Variants in PCDHGB2 observed in about 807,000 individuals in gnomAD.
The protein encoded by PCDHGB2 is protocadherin gamma-B2.
Under a neutral mutation model 59.3 loss-of-function variants are expected in PCDHGB2, and 55 were observed. The ratio of observed to expected loss-of-function variants is 0.93; its 90% CI spans 0.75 to 1.16. PCDHGB2 has a LOEUF of 1.16. PCDHGB2 is among the 50% of genes most tolerant of loss of function. The pLI, the probability that PCDHGB2 is intolerant of heterozygous loss-of-function variation, is 0.00. For missense variants in PCDHGB2, 1,228 were observed against 1,198.5 expected, an observed-to-expected ratio of 1.02 and a Z score of -0.36; for synonymous variants, 516 against 512.0, an observed-to-expected ratio of 1.01 and a Z score of -0.11.
intron 1 of PCDHGB2, among the ~76,000 whole-genome samples, chr5:141,462,459 CTG>C (rs2099040203): frequency 6.6e-6 from 1 of 152,010 alleles, no homozygotes; most frequent in African/African-American, 2.4e-5. Flanking sequence ...TAACTGAAAA[CTG>C]TGTATTCTGC....
At chr5:141,385,042 A>C (rs1308417984) in intron 1 of PCDHGB2, 1 of 1,614,150 alleles carries the variant, frequency 6.2e-7, no homozygotes, top group Non-Finnish European at 8.5e-7. Flanking sequence ...GCTGGCGCTC[A>C]GGCTGCGGCG....
chr5:141,457,193 A>G (rs2154565853), intron 1 of PCDHGB2, among the ~76,000 whole-genome samples: 1 of 152,356 alleles, frequency 6.6e-6, no homozygotes, highest in African/African-American at 2.4e-5. Flanking sequence ...GAGTGAGGAA[A>G]GCAGTTCCCA....
intron 1 of PCDHGB2, chr5:141,400,672 A>G: frequency 1.1e-6 from 1 of 934,884 alleles, no homozygotes; most frequent in Non-Finnish European, 1.6e-6. Flanking sequence ...TAAGAGGAGC[A>G]GTAAATTGTG....
chr5:141,420,187 C>T (rs1369031488), intron 1 of PCDHGB2: 7 of 1,613,824 alleles, frequency 4.3e-6, no homozygotes, highest in Non-Finnish European at 5.9e-6. Context: ...ATTGTCCAGC[C>T]ACACAAGATA....
At chr5:141,392,728 G>T in intron 1 of PCDHGB2, 1 of 1,407,730 alleles carries the variant, frequency 7.1e-7, no homozygotes, top group Non-Finnish European at 9.3e-7. Context: ...CCGGAGGATT[G>T]TCATCTCCAT....
chr5:141,415,745 T>C, intron 1 of PCDHGB2: 1 of 517,922 alleles, frequency 1.9e-6, no homozygotes, highest in Non-Finnish European at 2.4e-6. Context: ...TTAAGGTTTT[T>C]TTTTTTTTTT....
chr5:141,427,703 C>A (rs529490424), intron 1 of PCDHGB2: 2 of 957,514 alleles, frequency 2.1e-6, no homozygotes, highest in African/African-American at 1.6e-5. Flanking sequence ...CACAAGTCAG[C>A]GCCTCTGACC....
rs752392369 is a variant in PCDHGB2 at position 141,422,109 on chromosome 5, A to G, written c.2421+59553A>G. ...AAAGCAAGGCTTCTGAAATATTCCA[A>G]TTGGATTCACAAACTGGAGAAGTTC... On this transcript the variant is annotated intron_variant, in intron 1 of 3. Coordinates refer to ENST00000522605, the MANE Select transcript of PCDHGB2 (RefSeq NM_018923.3). 6 of 1,606,850 alleles carry G rather than the reference A, an allele frequency of 3.7e-6. No homozygotes were observed. The African/African-American group carries it at 4.0e-5, about 11-fold the overall frequency.
chr5:141,382,131 C>G (rs2150200415), intron 1 of PCDHGB2, among the ~76,000 whole-genome samples: 1 of 152,134 alleles, frequency 6.6e-6, no homozygotes, highest in African/African-American at 2.4e-5. Flanking sequence ...CCTGGCCCCC[C>G]CTCTCATTTT....
intron 1 of PCDHGB2, among the ~76,000 whole-genome samples, chr5:141,459,098 A>G (rs993134478): frequency 2.0e-5 from 3 of 152,206 alleles, no homozygotes; most frequent in African/African-American, 7.2e-5. Flanking sequence ...ATACAGTGCA[A>G]TGCATTTTGA....
At chr5:141,499,908 G>T (rs903753761) in intron 2 of PCDHGB2, among the ~76,000 whole-genome samples, 1 of 151,980 alleles carries the variant, frequency 6.6e-6, no homozygotes, top group African/African-American at 2.4e-5. Flanking sequence ...GGCTGGTCTT[G>T]AACTCCTGGC....
At chr5:141,372,226 C>A (rs1238266870) in intron 1 of PCDHGB2, 1 of 1,613,332 alleles carries the variant, frequency 6.2e-7, no homozygotes, top group Non-Finnish European at 8.5e-7. Flanking sequence ...ATTGTGCAGG[C>A]CAGCGAGCCC....
intron 1 of PCDHGB2, chr5:141,413,841 T>A: frequency 6.2e-7 from 1 of 1,613,060 alleles, no homozygotes; most frequent in Non-Finnish European, 8.5e-7. Flanking sequence ...CCGACGGGGG[T>A]GACCCTCTCC....
At chr5:141,447,136 TTTTTTG>T (rs1304915683) in intron 1 of PCDHGB2, among the ~76,000 whole-genome samples, 4 of 152,090 alleles carry the variant, frequency 2.6e-5, no homozygotes, top group Admixed American at 6.6e-5. Context: ...TGTTTGTTTG[TTTTTTG>T]TTTTTGTTTT....
intron 1 of PCDHGB2, chr5:141,414,088 A>T: frequency 6.3e-7 from 1 of 1,599,384 alleles, no homozygotes; most frequent in African/African-American, 1.3e-5. Context: ...TACTGGAGAA[A>T]TAAAAATATC....
chr5:141,411,017 A>T lies in PCDHGB2; in HGVS notation c.2421+48461A>T, dbSNP rs140607036. ...TACTGGTGCCCCTCACCACAGCTAA[A>T]TTTTTTGTATTTTTAGTAGACATGG... On this transcript the variant is annotated intron_variant, in intron 1 of 3. Transcript: ENST00000522605. 3.9e-3 allele frequency: 631 copies of T among 162,486 alleles called. 5 individuals are homozygous for T. Among genetic ancestry groups the T allele is most frequent in the Admixed American group, 0.011 (172 of 16,000 alleles). 10.1% of individuals were successfully genotyped at this position (162,486 alleles called of 1,614,324 possible).
chr5:141,485,858 C>A lies in PCDHGB2; in HGVS notation c.2422-8949C>A, dbSNP rs1431906047. 8.1e-6 allele frequency: 13 copies of A among 1,614,162 alleles called. No individual in the cohort carries two copies. The South Asian group carries it at 1.4e-4, about 18-fold the overall frequency. ...GCCGAGATCTGGCACCGCAGAGCTC[C>A]GGGTATCCGTGCTGGACGTAAACGA... On this transcript the variant is annotated intron_variant, in intron 1 of 3. Coordinates refer to ENST00000522605, the MANE Select transcript of PCDHGB2 (RefSeq NM_018923.3). This position sits in a 1 kb window ranked among gnomAD's most constrained non-coding sequence, Gnocchi z 5.7.
chr5:141,477,212 C>T lies in PCDHGB2; in HGVS notation c.2422-17595C>T, dbSNP rs1488282405. On this transcript the variant is annotated intron_variant, in intron 1 of 3. Coordinates refer to ENST00000522605, the MANE Select transcript of PCDHGB2 (RefSeq NM_018923.3). This position sits in a 1 kb window ranked among gnomAD's most constrained non-coding sequence, Gnocchi z 4.9. ...GTACAGCCCAGTACCCGAGGATGCC[C>T]CTCTGGGGACTGTCATCGCTTTGCT... 11 of 1,614,048 alleles carry T rather than the reference C, an allele frequency of 6.8e-6. No individual in the cohort carries two copies. The highest frequency in any genetic ancestry group is 1.3e-5 in the African/African-American group (1 of 74,918).
At chr5:141,505,564 G>GGATGTCAAACCTGTGTAGTTTCTCCA in intron 3 of PCDHGB2, 83 bp downstream of exon 3, 1 of 1,603,196 alleles carries the variant, frequency 6.2e-7, no homozygotes, top group Non-Finnish European at 8.5e-7. Context: ...CCCACGGACT[G>GGATGTCAAACCTGTGTAGTTTCTCCA]GATGTCAAAC....
Sources: allele counts gnomAD v4.1 joint callset (sites outside exome capture counted in the v4.1 genomes callset), GRCh38; gene constraint gnomAD v4.1.1; non-coding constraint Gnocchi (gnomAD v3.1); transcripts MANE v1.5; gene names NCBI Gene and HGNC (gene_info 2026-07-23, HGNC 2026-07-21).